GJA5: variants seen among roughly 807,000 people sequenced by gnomAD.
GJA5 encodes gap junction alpha-5 protein.
In GJA5, 3 loss-of-function variants were observed where a neutral mutation model predicts 7.9. The observed-to-expected ratio is 0.38, with a 90% CI of 0.17 to 0.99. The LOEUF is 0.99. Ranked by LOEUF, GJA5 falls within the 50% of genes least tolerant of loss-of-function variation. GJA5 has a pLI of 0.38. For missense variants in GJA5, 390 were observed against 457.9 expected (o/e 0.85, Z 1.35); for synonymous variants, 193 against 181.0 (o/e 1.07, Z -0.53).
At chr1:147,763,651 C>A (rs1049203379), upstream of GJA5, among the ~76,000 whole-genome samples, 12 of 152,138 alleles carry the variant, frequency 7.9e-5, no homozygotes, top group African/African-American at 2.7e-4. Flanking sequence ...CACTAGGAAA[C>A]TTGTTTGGCA....
At chr1:147,771,172 C>T (rs791290) in intron 1 of GJA5, among the ~76,000 whole-genome samples, 7 of 152,148 alleles carry the variant, frequency 4.6e-5, no homozygotes, top group Non-Finnish European at 8.8e-5. Flanking sequence ...AGAGACCAGG[C>T]GGCACTGTGG....
upstream of GJA5, among the ~76,000 whole-genome samples, chr1:147,761,722 C>A (rs1553227464): frequency 6.6e-6 from 1 of 152,212 alleles, no homozygotes; most frequent in Non-Finnish European, 1.5e-5. Context: ...TTTGAATTGT[C>A]TGTCCTCTCT....
chr1:147,771,793 G>C (rs1553229131), intron 1 of GJA5, among the ~76,000 whole-genome samples: 5 of 152,188 alleles, frequency 3.3e-5, no homozygotes, highest in Non-Finnish European at 1.5e-5. Context: ...TCACTGGCAG[G>C]TGCTGAGTGA....
chr1:147,763,446 T>C (rs1664090779), upstream of GJA5, among the ~76,000 whole-genome samples: 1 of 152,166 alleles, frequency 6.6e-6, no homozygotes, highest in Non-Finnish European at 1.5e-5. Flanking sequence ...TTTTTGGGTT[T>C]TGGGGAGAGT....
upstream of GJA5, among the ~76,000 whole-genome samples, chr1:147,764,074 G>A (rs782122621): frequency 1.3e-5 from 2 of 152,122 alleles, no homozygotes; most frequent in Non-Finnish European, 2.9e-5. Flanking sequence ...GCCTCCCAAA[G>A]TGCTGGGATT....
upstream of GJA5, among the ~76,000 whole-genome samples, chr1:147,763,651 C>T (rs1049203379): frequency 5.3e-5 from 8 of 152,138 alleles, no homozygotes; most frequent in African/African-American, 1.4e-4. Flanking sequence ...CACTAGGAAA[C>T]TTGTTTGGCA....
At chr1:147,772,224 C>G (rs1451070811) in intron 1 of GJA5, among the ~76,000 whole-genome samples, 2 of 152,072 alleles carry the variant, frequency 1.3e-5, no homozygotes, top group Non-Finnish European at 2.9e-5. Flanking sequence ...AACAGCAGCC[C>G]CAGTGATTTG....
chr1:147,763,398 A>C (rs1664089310), upstream of GJA5, among the ~76,000 whole-genome samples: 1 of 152,210 alleles, frequency 6.6e-6, no homozygotes, highest in Non-Finnish European at 1.5e-5. Context: ...AGGAAGTATA[A>C]GGTGTCATGG....
rs1553226463 is a variant in GJA5 at position 147,756,707 on chromosome 1, A to C, written c.*1455T>G. On this transcript the variant is annotated 3_prime_UTR_variant, in exon 2 of 2. Coordinates refer to ENST00000579774, the MANE Select transcript of GJA5 (RefSeq NM_181703.4). Reference sequence around the variant, plus strand: ...TTACCCATCCCATCAGCACCCACACACACACACACGTGCATTTTAATAATG... The same window carrying C: ...TTACCCATCCCATCAGCACCCACACCCACACACACGTGCATTTTAATAATG... 1 of 152,194 alleles carries C rather than the reference A, an allele frequency of 6.6e-6. No homozygotes were observed. Among genetic ancestry groups the C allele is most frequent in the Non-Finnish European group, 1.5e-5 (1 of 68,068 alleles). The allele number at this position is 152,194 out of a possible 1,614,324, so 9.4% of individuals were successfully genotyped here. A position where few individuals can be genotyped will look rare whatever the true frequency, so the allele number is the denominator to read the frequency against.
intron 1 of GJA5, among the ~76,000 whole-genome samples, chr1:147,772,751 C>T (rs1664457553): frequency 8.6e-6 from 1 of 116,744 alleles, no homozygotes; most frequent in Non-Finnish European, 1.7e-5. Flanking sequence ...GGAAACTAAG[C>T]AGGGAATATT....
Position 147,758,496 on chromosome 1 carries a change from C to T in GJA5, c.743G>A (p.Cys248Tyr). The T allele has an allele frequency of 6.2e-7, 1 of 1,614,200 alleles. No individual in the cohort carries two copies. The change falls in exon 2 of 2, where the codon TGC (cysteine) becomes TAC (tyrosine). Residue 248 changes from cysteine (C) to tyrosine (Y), a missense_variant. Coordinates refer to ENST00000579774, the MANE Select transcript of GJA5 (RefSeq NM_181703.4). ...FVKPRQHMAK[C>Y]QLSGPSVGIV... ...GCCCACAGAGGGGCCAGAAAGCTGG[C>T]ACTTAGCCATGTGCTGCCGCGGTTT...
intron 1 of GJA5, among the ~76,000 whole-genome samples, chr1:147,772,781 C>T (rs1289147317): frequency 1.4e-5 from 1 of 71,188 alleles, no homozygotes; most frequent in African/African-American, 6.1e-5. Flanking sequence ...TCCAACATGC[C>T]TTAGGGAGAA....
intron 1 of GJA5, among the ~76,000 whole-genome samples, chr1:147,766,399 AAGGATG>A (rs1426482763): frequency 2.0e-5 from 3 of 152,190 alleles, no homozygotes; most frequent in African/African-American, 7.2e-5. Flanking sequence ...TGCTGAAGAA[AAGGATG>A]AGAATGCACA....
In GJA5 at chr1:147,756,750, G is replaced by T. The variant is rs1313878538; in HGVS notation, c.*1412C>A. 6.6e-6 allele frequency: 1 copy of T among 152,154 alleles called. No homozygotes were observed. The highest frequency in any genetic ancestry group is 2.4e-5 in the African/African-American group (1 of 41,410). The allele number at this position is 152,154 out of a possible 1,614,324, so 9.4% of individuals were successfully genotyped here. A position where few individuals can be genotyped will look rare whatever the true frequency, so the allele number is the denominator to read the frequency against. ...TAATAATGTAATAATCCCTCTATAAGTCTCAGTTTCCAATTCCAAGCATCG... is the reference window on the plus strand; with the variant it reads ...TAATAATGTAATAATCCCTCTATAATTCTCAGTTTCCAATTCCAAGCATCG... On this transcript the variant is annotated 3_prime_UTR_variant, in exon 2 of 2. Coordinates refer to ENST00000579774, the MANE Select transcript of GJA5 (RefSeq NM_181703.4).
At chr1:147,769,720 T>A (rs1377313055) in intron 1 of GJA5, among the ~76,000 whole-genome samples, 8 of 151,888 alleles carry the variant, frequency 5.3e-5, no homozygotes, top group African/African-American at 1.9e-4. Context: ...CAATGGAAAG[T>A]ATAGGAATTT....
At position 147,758,713 on chromosome 1, in the gene GJA5, C is replaced by T. The variant is rs2148959125; in HGVS notation, c.526G>A (p.Gly176Arg). Residue 176 changes from glycine to arginine, a missense_variant, in exon 2 of 2, where the codon GGA becomes AGA. This residue lies in a region of GJA5 where 354 missense variants were observed against 370.9 expected (regional missense o/e 0.95). Transcript: ENST00000579774. ...ACATGCAGGGTGGTCAGGAAGATTC[C>T]GTAGATGAAGTACTGGCCCACAATG... is the stretch of plus-strand genomic sequence containing the variant. ...GFIVGQYFIY[G>R]IFLTTLHVCR... 4.3e-6 allele frequency: 7 copies of T among 1,614,156 alleles called. No homozygotes were observed. The highest frequency in any genetic ancestry group is 5.9e-6 in the Non-Finnish European group (7 of 1,180,034).
At position 147,758,313 on chromosome 1, in the gene GJA5, C is replaced by A. The variant is rs1261537063; in HGVS notation, c.926G>T (p.Gly309Val). The A allele has an allele frequency of 6.2e-7, 1 of 1,614,140 alleles. No individual in the cohort carries two copies. Among genetic ancestry groups the A allele is most frequent in the Non-Finnish European group, 8.5e-7 (1 of 1,180,006 alleles). Reference protein sequence around the residue: ...EQVRGQEQTPGEGFIQVRYGQ... With the variant: ...EQVRGQEQTPVEGFIQVRYGQ... ...ATAACGAACCTGGATGAAACCTTCC[C>A]CAGGAGTCTGCTCCTGACCTCGTAC... The change falls in exon 2 of 2, where the codon GGG (glycine) becomes GTG (valine). Residue 309 changes from glycine to valine, a missense_variant. Physicochemically the swap from Gly to Val is moderately radical, Grantham distance 109. This residue lies in a region of GJA5 where 354 missense variants were observed against 370.9 expected (regional missense o/e 0.95). Transcript: ENST00000579774.
rs139182851 is a variant in GJA5, at chr1:147,759,158, A to G, written c.81T>C (p.Thr27=). The change falls in exon 2 of 2, where the codon ACT becomes ACC. Residue 27 remains threonine, a synonymous_variant. Transcript: ENST00000579774. ...CGAGCATACGGAATATGAAGAGGAC[A>G]GTGAGCCAGACCTTGCCTACCACGG... is the stretch of plus-strand genomic sequence containing the variant. The part of the protein sequence containing the change: ...HSTVVGKVWL[T]VLFIFRMLVL... 5 of 1,613,902 alleles carry G rather than the reference A, an allele frequency of 3.1e-6. No homozygotes were observed. Among genetic ancestry groups the G allele is most frequent in the Non-Finnish European group, 3.4e-6 (4 of 1,179,926 alleles).
rs2232191 is a variant in GJA5 at position 147,758,870 on chromosome 1, G to A, written c.369C>T (p.Tyr123=). 6.6e-3 allele frequency: 10,634 copies of A among 1,614,154 alleles called. 85 individuals are homozygous for A. The highest frequency in any genetic ancestry group is 0.04 in the East Asian group (1,790 of 44,868). Residue 123 remains tyrosine, a synonymous_variant, in exon 2 of 2, where the codon TAC becomes TAT. Coordinates refer to ENST00000579774, the MANE Select transcript of GJA5 (RefSeq NM_181703.4). ...CTGCCTTCTCTGCCACCGGGTACTC[G>A]TAAGAGCCAGAGCCCCGGACCTCTT... ...RAKEVRGSGS[Y]EYPVAEKAEL...
Sources: allele counts gnomAD v4.1 joint callset (sites outside exome capture counted in the v4.1 genomes callset), GRCh38; gene constraint gnomAD v4.1.1; regional missense constraint gnomAD v4.1.1; transcripts MANE v1.5; gene names NCBI Gene and HGNC (gene_info 2026-07-23, HGNC 2026-07-21).